PBX4: variants seen among roughly 807,000 people sequenced by gnomAD.
PBX4 encodes the protein pre-B-cell leukemia transcription factor 4.
A neutral mutation model predicts 35.1 loss-of-function variants in PBX4; 26 were observed. The observed-to-expected ratio is 0.74, with a 90% confidence interval of 0.54 to 1.03. The LOEUF (loss-of-function observed/expected upper bound fraction) is 1.03, where lower values mean the gene tolerates loss of function less well. Among genes scored for constraint, PBX4 ranks in the 50% least tolerant of loss-of-function variants. The pLI is 0.00. For missense variants in PBX4, 448 were observed against 504.3 expected (o/e 0.89, Z 1.07); for synonymous variants, 199 against 204.2 (o/e 0.97, Z 0.22).
At chr19:19,607,110 G>C (rs1348510785) in intron 1 of PBX4, among the ~76,000 whole-genome samples, 2 of 152,170 alleles carry the variant, frequency 1.3e-5, no homozygotes, top group African/African-American at 4.8e-5. Flanking sequence ...CTGGAATGCA[G>C]TGGCATGATC....
intron 2 of PBX4, among the ~76,000 whole-genome samples, chr19:19,597,902 C>A (rs1378302248): frequency 2.0e-5 from 3 of 152,156 alleles, no homozygotes; most frequent in African/African-American, 7.2e-5. Context: ...ACACACATTG[C>A]CTCTGTGGGA....
chr19:19,585,792 C>A (rs2061485280), intron 2 of PBX4, among the ~76,000 whole-genome samples: 1 of 152,098 alleles, frequency 6.6e-6, no homozygotes. Context: ...AGATCCACCC[C>A]CTGCCCAAAA....
chr19:19,590,456 G>C (rs776328693), intron 2 of PBX4, among the ~76,000 whole-genome samples: 30 of 149,346 alleles, frequency 2.0e-4, no homozygotes, highest in Non-Finnish European at 3.7e-4. Flanking sequence ...ACCACGTTTT[G>C]TTTTGTTTTC....
intron 2 of PBX4, among the ~76,000 whole-genome samples, chr19:19,577,194 CAAAA>C (rs35798518): frequency 2.0e-5 from 2 of 100,420 alleles, no homozygotes; most frequent in Admixed American, 1.0e-4. Flanking sequence ...GACTCCATGT[CAAAA>C]AAAAAAAAAA....
In PBX4 at chr19:19,574,323, C is replaced by G. The variant is rs955433333; in HGVS notation, c.194-3490G>C. Among the ~76,000 whole-genome samples, 28 of 152,232 alleles carry G rather than the reference C, an allele frequency of 1.8e-4. 1 individual carries two copies. Among genetic ancestry groups the G allele is most frequent in the Non-Finnish European group, 5.9e-5 (4 of 68,046 alleles). On this transcript the variant is annotated intron_variant, in intron 2 of 7. Transcript: ENST00000251203. ...GCATATCACTCAAGCTTGGCCCTGT[C>G]TCTTCATAGACGCCCTCCTCTGCCT... is the stretch of plus-strand genomic sequence containing the variant.
chr19:19,590,486 T>G (rs1164276539), intron 2 of PBX4, among the ~76,000 whole-genome samples: 2 of 150,960 alleles, frequency 1.3e-5, no homozygotes, highest in African/African-American at 4.9e-5. Context: ...TTTTTTTTTT[T>G]GAGAGAGAGT....
intron 5 of PBX4, among the ~76,000 whole-genome samples, chr19:19,567,102 T>C (rs902185852): frequency 6.6e-6 from 1 of 152,204 alleles, no homozygotes; most frequent in African/African-American, 2.4e-5. Flanking sequence ...AGTGTCTGCC[T>C]ACCCCGGGGG....
At chr19:19,593,443 G>A (rs558940550) in intron 2 of PBX4, among the ~76,000 whole-genome samples, 1 of 152,350 alleles carries the variant, frequency 6.6e-6, no homozygotes, top group South Asian at 2.1e-4. Context: ...GTCACGGGAT[G>A]AGGACAGATG....
intron 1 of PBX4, among the ~76,000 whole-genome samples, chr19:19,611,499 T>C (rs1568400126): frequency 4.0e-5 from 6 of 151,532 alleles, no homozygotes; most frequent in Admixed American, 2.6e-4. Context: ...GCCAAGATGG[T>C]GAAACCCCGT....
chr19:19,589,441 T>C (rs576153587), intron 2 of PBX4, among the ~76,000 whole-genome samples: 1 of 143,150 alleles, frequency 7.0e-6, no homozygotes, highest in South Asian at 2.3e-4. Flanking sequence ...CTAAAATAAA[T>C]AAATAAATAA....
chr19:19,577,159 C>T (rs988089236), intron 2 of PBX4, among the ~76,000 whole-genome samples: 5 of 147,164 alleles, frequency 3.4e-5, no homozygotes, highest in African/African-American at 1.3e-4. Flanking sequence ...TGTGCCACTG[C>T]ACTCCAACCT....
chr19:19,607,332 G>A (rs1241869986), intron 1 of PBX4, among the ~76,000 whole-genome samples: 1 of 152,048 alleles, frequency 6.6e-6, no homozygotes, highest in Non-Finnish European at 1.5e-5. Context: ...GGGATTATAG[G>A]CGTCAGCCAC....
chr19:19,596,814 G>A (rs902860373), intron 2 of PBX4, among the ~76,000 whole-genome samples: 3 of 151,562 alleles, frequency 2.0e-5, no homozygotes, highest in African/African-American at 4.8e-5. Flanking sequence ...AGCTACTTGG[G>A]AGGATGGGGT....
chr19:19,570,705 C>A lies in PBX4; in HGVS notation c.322G>T (p.Ala108Ser). 3 of 1,614,146 alleles carry A rather than the reference C, an allele frequency of 1.9e-6. No homozygotes were observed. Among genetic ancestry groups the A allele is most frequent in the Non-Finnish European group, 2.5e-6 (3 of 1,180,024 alleles). The part of the protein sequence containing the change: ...KRGRGGAVAR[A>S]GTATPGGCPN... ...CAGCCACCTGGTGTTGCTGTGCCGGCCCTGGCCACCGCTCCTCCTCTTCCT... is the reference window on the plus strand; with the variant it reads ...CAGCCACCTGGTGTTGCTGTGCCGGACCTGGCCACCGCTCCTCCTCTTCCT... Residue 108 changes from alanine to serine, a missense_variant, in exon 3 of 8, where the codon GCC becomes TCC. Transcript: ENST00000251203.
chr19:19,583,598 A>T (rs929275812), intron 2 of PBX4, among the ~76,000 whole-genome samples: 1 of 151,898 alleles, frequency 6.6e-6, no homozygotes, highest in Non-Finnish European at 1.5e-5. Context: ...TCGACAAAGT[A>T]AGACCCCCTC....
intron 6 of PBX4, chr19:19,564,625 T>G (rs1568376254): frequency 1.0e-5 from 3 of 298,760 alleles, no homozygotes; most frequent in Non-Finnish European, 1.3e-5. Context: ...GGTCTCAAAC[T>G]CCTGACCTCA....
At chr19:19,568,719 CTCTG>C (rs2061360840) in intron 5 of PBX4, among the ~76,000 whole-genome samples, 2 of 152,018 alleles carry the variant, frequency 1.3e-5, no homozygotes, top group African/African-American at 2.4e-5. Context: ...GGAGCTCACA[CTCTG>C]TCTGTATCCC....
chr19:19,605,306 C>T (rs2061623157), intron 1 of PBX4, among the ~76,000 whole-genome samples: 1 of 151,166 alleles, frequency 6.6e-6, no homozygotes, highest in Non-Finnish European at 1.5e-5. Context: ...GTCCCAGCTA[C>T]TCAGGAGGCT....
In PBX4 at chr19:19,574,689, C is replaced by A. The variant is rs934425232; in HGVS notation, c.194-3856G>T. Among the ~76,000 whole-genome samples the A allele has an allele frequency of 2.0e-5, 3 of 151,202 alleles. No individual in the cohort carries two copies. In the East Asian group the frequency reaches 5.8e-4, roughly 29 times the overall value. On this transcript the variant is annotated intron_variant, in intron 2 of 7. Transcript: ENST00000251203. ...TCTCTCTGTCGCCCAGGCTCAAGTGCAGTGGTGGGATCTCAGCTCACTGCA... is the reference window on the plus strand; with the variant it reads ...TCTCTCTGTCGCCCAGGCTCAAGTGAAGTGGTGGGATCTCAGCTCACTGCA...
Sources: allele counts gnomAD v4.1 joint callset (sites outside exome capture counted in the v4.1 genomes callset), GRCh38; gene constraint gnomAD v4.1.1; transcripts MANE v1.5; gene names NCBI Gene and HGNC (gene_info 2026-07-23, HGNC 2026-07-21).